NUMB: variants seen among roughly 807,000 people sequenced by gnomAD.
The protein encoded by NUMB is NUMB endocytic adaptor protein.
NUMB carries 29 observed loss-of-function variants against 59.7 expected under a neutral mutation model. The observed-to-expected ratio is 0.49, with a 90% CI of 0.36 to 0.66. The LOEUF (loss-of-function observed/expected upper bound fraction) is 0.66, where lower values mean the gene tolerates loss of function less well. NUMB is among the 30% of genes least tolerant of loss of function. The pLI is 0.00. For synonymous variants in NUMB, 288 were observed against 288.2 expected (o/e 1.00, Z 0.01); for missense variants, 723 against 822.0 (o/e 0.88, Z 1.47).
At chr14:73,449,865 T>C (rs1195890280) in intron 1 of NUMB, among the ~76,000 whole-genome samples, 1 of 152,196 alleles carries the variant, frequency 6.6e-6, no homozygotes, top group African/African-American at 2.4e-5. Flanking sequence ...TTTTTGTATT[T>C]TTAGTAGACA....
intron 3 of NUMB, among the ~76,000 whole-genome samples, chr14:73,364,634 A>G (rs1356852008): frequency 6.6e-6 from 1 of 152,186 alleles, no homozygotes; most frequent in African/African-American, 2.4e-5. Context: ...AAGAATGCGC[A>G]CTATTTTTTT....
chr14:73,299,493 C>T (rs930645487), intron 6 of NUMB: 4 of 151,198 alleles, frequency 2.6e-5, no homozygotes, highest in African/African-American at 9.7e-5. Context: ...GCCTGCCAGC[C>T]CCTACAATCA....
rs71112732 is a variant in NUMB at position 73,350,078 on chromosome 14, T to TACACAC, written c.126+5542_126+5547dup. Reference sequence around the variant, plus strand: ...ATACATATATACATACATACATACATACACACACACACACACACACACACA... The same window carrying TACACAC: ...ATACATATATACATACATACATACATACACACACACACACACACACACACACACACA... On this transcript the variant is annotated intron_variant, in intron 4 of 12. Transcript: ENST00000555238. 8.0e-3 allele frequency among the ~76,000 whole-genome samples: 1,097 copies of TACACAC among 137,744 alleles called. 11 individuals carry two copies. The highest frequency in any genetic ancestry group is 0.02 in the African/African-American group (688 of 34,746). 90.4% of individuals were successfully genotyped at this position (137,744 alleles called of 152,430 possible).
chr14:73,324,299 C>T (rs554396272), intron 4 of NUMB, among the ~76,000 whole-genome samples: 95 of 152,312 alleles, frequency 6.2e-4, no homozygotes, highest in African/African-American at 2.1e-3. Flanking sequence ...CACCACCTCC[C>T]CTCAAGTCCC....
At chr14:73,340,274 A>G (rs1474391090) in intron 4 of NUMB, among the ~76,000 whole-genome samples, 1 of 152,190 alleles carries the variant, frequency 6.6e-6, no homozygotes, top group Admixed American at 6.5e-5. Flanking sequence ...GGCCAACAGT[A>G]GCCCAGTGAC....
chr14:73,452,065 C>G (rs951515515), intron 1 of NUMB, among the ~76,000 whole-genome samples: 2 of 147,816 alleles, frequency 1.4e-5, no homozygotes, highest in South Asian at 2.1e-4. Flanking sequence ...CTCTACCCCC[C>G]AAAAAAAAAA....
In NUMB at chr14:73,276,603, T is replaced by TGTAA. The variant is rs773558195; in HGVS notation, c.1927_1930dup (p.Gln644LeufsTer6). 5.0e-6 allele frequency: 8 copies of TGTAA among 1,613,520 alleles called. No homozygotes were observed. Among genetic ancestry groups the TGTAA allele is most frequent in the Non-Finnish European group, 4.2e-6 (5 of 1,179,506 alleles). The stretch of plus-strand genomic sequence containing the variant: ...TTAAAGTTCAATTTCAAACGTCTTC[T>TGTAA]GTAAGTCACTGGAGAAAGGGTTGGT... On this transcript the variant is annotated frameshift_variant, in exon 13 of 13. Transcript: ENST00000555238. LOFTEE classifies it high-confidence loss of function.
At chr14:73,382,828 A>G (rs1350826862) in intron 2 of NUMB, among the ~76,000 whole-genome samples, 3 of 152,198 alleles carry the variant, frequency 2.0e-5, no homozygotes, top group Non-Finnish European at 2.9e-5. Flanking sequence ...GAAAATCAAG[A>G]GAAAAAAAGA....
At chr14:73,445,929 T>A (rs1272595249) in intron 1 of NUMB, among the ~76,000 whole-genome samples, 1 of 151,648 alleles carries the variant, frequency 6.6e-6, no homozygotes, top group East Asian at 1.9e-4. Flanking sequence ...ACAAAAAAGA[T>A]AAAAGTCCTG....
At chr14:73,385,308 C>CTTGTTTT (rs1895451461) in intron 2 of NUMB, among the ~76,000 whole-genome samples, 1 of 112,300 alleles carries the variant, frequency 8.9e-6, no homozygotes, top group African/African-American at 3.2e-5. Context: ...CCAGTTAATT[C>CTTGTTTT]TTTTTTTTTT....
intron 4 of NUMB, among the ~76,000 whole-genome samples, chr14:73,334,368 A>G (rs1892173432): frequency 6.6e-6 from 1 of 152,172 alleles, no homozygotes; most frequent in African/African-American, 2.4e-5. Context: ...AAGTTGTTGT[A>G]GCAGGATTTT....
At position 73,316,374 on chromosome 14, in the gene NUMB, G is replaced by A. The variant is rs778558057; in HGVS notation, c.234+16C>T. ...AACTCCTTATAAAGCAAGCATGAAT[G>A]TGGCATCAAACTTACTTTTCCAAAG... On this transcript the variant is annotated intron_variant, in intron 6 of 12. Coordinates refer to ENST00000555238, the MANE Select transcript of NUMB (RefSeq NM_001005743.2). 2 of 1,611,582 alleles carry A rather than the reference G, an allele frequency of 1.2e-6. No homozygotes were observed. The highest frequency in any genetic ancestry group is 1.7e-4 in the Middle Eastern group (1 of 6,058).
intron 2 of NUMB, among the ~76,000 whole-genome samples, chr14:73,370,996 A>C (rs1256615673): frequency 6.7e-6 from 1 of 150,254 alleles, no homozygotes; most frequent in Non-Finnish European, 1.5e-5. Context: ...ATGGGGTCTC[A>C]CTATGTTGCC....
At chr14:73,293,449 TG>T (rs1360987148) in intron 7 of NUMB, among the ~76,000 whole-genome samples, 2 of 145,260 alleles carry the variant, frequency 1.4e-5, no homozygotes, top group African/African-American at 2.6e-5. Context: ...TGGAGTGCAG[TG>T]GCGCGATCTT....
intron 6 of NUMB, among the ~76,000 whole-genome samples, chr14:73,303,148 G>A (rs1890243159): frequency 6.6e-6 from 1 of 152,158 alleles, no homozygotes; most frequent in Admixed American, 6.5e-5. Flanking sequence ...AACCCGGGAG[G>A]TGGAGGTTGC....
intron 5 of NUMB, among the ~76,000 whole-genome samples, chr14:73,320,914 T>C (rs1891368707): frequency 6.6e-6 from 1 of 151,866 alleles, no homozygotes; most frequent in Non-Finnish European, 1.5e-5. Flanking sequence ...ACTGAAACAT[T>C]AGTTTTAAAA....
At chr14:73,420,272 A>G (rs1897301512) in intron 1 of NUMB, among the ~76,000 whole-genome samples, 1 of 152,210 alleles carries the variant, frequency 6.6e-6, no homozygotes, top group Non-Finnish European at 1.5e-5. Flanking sequence ...CACAATCTAT[A>G]AGCAAAGGAA....
At position 73,354,827 on chromosome 14, in the gene NUMB, C is replaced by CAAAA. The variant is rs10668811; in HGVS notation, c.126+795_126+798dup. ...TGTGCTATGGAGACAGACTGTGCCT[C>CAAAA]AAAAAAAAAAAGGAATATATAGTAA... On this transcript the variant is annotated intron_variant, in intron 4 of 12. Coordinates refer to ENST00000555238, the MANE Select transcript of NUMB (RefSeq NM_001005743.2). Among the ~76,000 whole-genome samples, 6 of 82,312 alleles carry CAAAA rather than the reference C, an allele frequency of 7.3e-5. 1 individual carries two copies. The East Asian group carries it at 2.9e-3, about 39-fold the overall frequency. The allele number at this position is 82,312 out of a possible 152,430, so 54.0% of individuals were successfully genotyped here.
At chr14:73,407,008 A>G (rs1896703735) in intron 2 of NUMB, among the ~76,000 whole-genome samples, 1 of 151,894 alleles carries the variant, frequency 6.6e-6, no homozygotes, top group Non-Finnish European at 1.5e-5. Flanking sequence ...CGTCCAGCTA[A>G]TTTTTTGTAT....
Sources: gnomAD v4.1 joint callset for allele counts (sites outside exome capture counted in the v4.1 genomes callset) on GRCh38, gnomAD v4.1.1 for gene constraint, MANE v1.5 for transcripts, NCBI Gene and HGNC (gene_info 2026-07-23, HGNC 2026-07-21) for gene names.